LCOR: variants seen among roughly 807,000 people sequenced by gnomAD.
LCOR encodes the protein ligand dependent nuclear receptor corepressor, also known as ligand-dependent corepressor.
A neutral mutation model predicts 64.4 loss-of-function variants in LCOR; 14 were observed. The observed-to-expected ratio is 0.22, with a 90% CI of 0.14 to 0.34. The LOEUF is 0.34. Ranked by LOEUF, LCOR falls within the 10% of genes least tolerant of loss-of-function variation. LCOR has a pLI of 1.00. For missense variants in LCOR, 1,686 were observed against 1,765.3 expected, an observed-to-expected ratio of 0.96 and a Z score of 0.80; for synonymous variants, 643 against 642.5, an observed-to-expected ratio of 1.00 and a Z score of -0.01.
At position 96,975,198 on chromosome 10, in the gene LCOR, T is replaced by C. The variant is rs541748727; in HGVS notation, c.333-5595T>C. 1.4e-4 allele frequency among the ~76,000 whole-genome samples: 21 copies of C among 152,222 alleles called. No homozygotes were observed. The East Asian group carries it at 2.9e-3, about 21-fold the overall frequency. On this transcript the variant is annotated intron_variant, in intron 7 of 7. Transcript: ENST00000421806. ...AATAAAATAATAAAATAAATACTTATGTGCTATTAAGAAAAATTCCAGAAA... is the reference window on the plus strand; with the variant it reads ...AATAAAATAATAAAATAAATACTTACGTGCTATTAAGAAAAATTCCAGAAA...
rs571712967 is a variant in LCOR at position 96,875,964 on chromosome 10, C to T, written c.-329-31301C>T. 4.0e-5 allele frequency among the ~76,000 whole-genome samples: 6 copies of T among 150,996 alleles called. No individual in the cohort carries two copies. In the South Asian group the frequency reaches 6.3e-4, roughly 16 times the overall value. ...ATCCCAGATTCTACTGGTAAAAGAC[C>T]GACTTATAAATAGCTAATTATATCT... On this transcript the variant is annotated intron_variant, in intron 2 of 7. Coordinates refer to ENST00000421806, the MANE Select transcript of LCOR (RefSeq NM_001346516.2).
In LCOR at chr10:96,845,849, G is replaced by A. The variant is rs562571881; in HGVS notation, c.-330+12370G>A. Among the ~76,000 whole-genome samples, 4 of 152,062 alleles carry A rather than the reference G, an allele frequency of 2.6e-5. No homozygotes were observed. In the East Asian group the frequency reaches 5.8e-4, roughly 22 times the overall value. On this transcript the variant is annotated intron_variant, in intron 2 of 7. Transcript: ENST00000421806. ...TCCATAATCTTTGGTCATTGTTACT[G>A]AGAAAAACCTTTACACTGGTCATTT...
At chr10:96,925,448 T>TAA (rs1847152605) in intron 4 of LCOR, among the ~76,000 whole-genome samples, 2 of 152,190 alleles carry the variant, frequency 1.3e-5, no homozygotes, top group African/African-American at 2.4e-5. Flanking sequence ...TCTCTTAATT[T>TAA]AGGTTTTTCT....
chr10:96,832,939 C>A (rs1263650712), intron 1 of LCOR: 2 of 972,198 alleles, frequency 2.1e-6, no homozygotes, highest in Non-Finnish European at 2.4e-6. Context: ...CAGGCGGGCG[C>A]CCGGCGCTCG....
intron 7 of LCOR, among the ~76,000 whole-genome samples, chr10:96,966,521 C>A (rs1464218731): frequency 6.6e-6 from 1 of 152,128 alleles, no homozygotes; most frequent in African/African-American, 2.4e-5. Flanking sequence ...AGCCACCGCG[C>A]CCGGCCAGGA....
intron 2 of LCOR, among the ~76,000 whole-genome samples, chr10:96,850,780 C>G (rs1251062159): frequency 6.6e-6 from 1 of 152,204 alleles, no homozygotes; most frequent in African/African-American, 2.4e-5. Flanking sequence ...GTTGAACCAT[C>G]TGCTGATCAT....
At chr10:96,919,132 T>G (rs993645284) in intron 4 of LCOR, among the ~76,000 whole-genome samples, 1 of 152,214 alleles carries the variant, frequency 6.6e-6, no homozygotes, top group African/African-American at 2.4e-5. Context: ...AATTATATGA[T>G]TCTCTGAAAA....
intron 2 of LCOR, among the ~76,000 whole-genome samples, chr10:96,851,139 C>T (rs1845715955): frequency 6.6e-6 from 1 of 152,204 alleles, no homozygotes; most frequent in African/African-American, 2.4e-5. Flanking sequence ...TGATTGGTTT[C>T]ACAAGCATTC....
At position 96,984,936 on chromosome 10, in the gene LCOR, G is replaced by A. The variant is rs1444683722; in HGVS notation, c.4476G>A (p.Thr1492=). 8.7e-6 allele frequency: 14 copies of A among 1,613,982 alleles called. No homozygotes were observed. The highest frequency in any genetic ancestry group is 4.0e-5 in the African/African-American group (3 of 74,910). Residue 1492 remains threonine, a synonymous_variant, in exon 8 of 8, where the codon ACG becomes ACA. Coordinates refer to ENST00000421806, the MANE Select transcript of LCOR (RefSeq NM_001346516.2). ...PSQSIASETL[T]KPAKQKGAGE... ...AGTCTATTGCCTCGGAAACACTGACGAAACCTGCAAAACAGAAGGGGGCCG... is the reference window on the plus strand; with the variant it reads ...AGTCTATTGCCTCGGAAACACTGACAAAACCTGCAAAACAGAAGGGGGCCG...
chr10:96,832,447 C>G (rs1456623977), intron 1 of LCOR, 48 bp downstream of exon 1: 6 of 784,632 alleles, frequency 7.6e-6, no homozygotes, highest in Non-Finnish European at 9.3e-6. Flanking sequence ...GCCCCGCCGC[C>G]GGTCGCCCCA....
chr10:96,939,871 G>A (rs1847419173), intron 4 of LCOR, among the ~76,000 whole-genome samples: 1 of 152,222 alleles, frequency 6.6e-6, no homozygotes, highest in Non-Finnish European at 1.5e-5. Flanking sequence ...GCTGAGGCAA[G>A]AGAATCATTT....
intron 4 of LCOR, among the ~76,000 whole-genome samples, 156 bp from the exon 5 acceptor site, chr10:96,943,957 G>A (rs187086304): frequency 9.9e-5 from 15 of 152,218 alleles, no homozygotes; most frequent in African/African-American, 3.6e-4. Context: ...TATTTTGCTT[G>A]TATACTTTTT....
Position 96,983,507 on chromosome 10 carries a change from C to G in LCOR, c.3047C>G (p.Ser1016Trp). 2.5e-6 allele frequency: 4 copies of G among 1,613,970 alleles called. No individual in the cohort carries two copies. The highest frequency in any genetic ancestry group is 1.6e-4 in the Middle Eastern group (1 of 6,062). The part of the protein sequence containing the change: ...SDAPCSSLGL[S>W]SSGSGDAARA... ...GCCCCATGCAGCTCTCTTGGGTTGT[C>G]GAGTAGTGGAAGTGGTGATGCTGCT... The change falls in exon 8 of 8, where the codon TCG becomes TGG. Residue 1016 changes from serine to tryptophan, a missense_variant. Physicochemically the swap from Ser to Trp is radical, Grantham distance 177. This residue lies in a region of LCOR where 1,293 missense variants were observed against 1,410.4 expected (regional missense o/e 0.92). Coordinates refer to ENST00000421806, the MANE Select transcript of LCOR (RefSeq NM_001346516.2). This position sits in a 1 kb window ranked among gnomAD's most constrained non-coding sequence, Gnocchi z 4.5.
intron 7 of LCOR, 36 bp downstream of exon 7, chr10:96,952,232 T>C (rs769174454): frequency 1.4e-6 from 2 of 1,410,612 alleles, no homozygotes; most frequent in Non-Finnish European, 2.0e-6. Context: ...CACAGTTTCA[T>C]ATAGATAATT....
intron 2 of LCOR, among the ~76,000 whole-genome samples, chr10:96,878,598 A>G (rs1202498248): frequency 6.6e-6 from 1 of 152,188 alleles, no homozygotes; most frequent in African/African-American, 2.4e-5. Context: ...TAAAGAATTC[A>G]GTTTTGACTA....
At position 96,891,691 on chromosome 10, in the gene LCOR, C is replaced by T. The variant is rs532621965; in HGVS notation, c.-329-15574C>T. Among the ~76,000 whole-genome samples, 17 of 151,260 alleles carry T rather than the reference C, an allele frequency of 1.1e-4. No individual in the cohort carries two copies. In the South Asian group the frequency reaches 2.3e-3, roughly 20 times the overall value. ...CTGAGTAGCTGGGATTACAGGTGCA[C>T]GCCACCACGTCCAACTAATTTTTGT... On this transcript the variant is annotated intron_variant, in intron 2 of 7. Transcript: ENST00000421806.
intron 2 of LCOR, among the ~76,000 whole-genome samples, chr10:96,836,837 A>G (rs1270959392): frequency 6.6e-6 from 1 of 152,206 alleles, no homozygotes; most frequent in Admixed American, 6.5e-5. Context: ...AGGTTTGCAA[A>G]GGTAGGTTGT....
At position 96,984,038 on chromosome 10, in the gene LCOR, C is replaced by G; in HGVS notation, c.3578C>G (p.Thr1193Ser). 6.2e-7 allele frequency: 1 copy of G among 1,613,980 alleles called. No homozygotes were observed. Among genetic ancestry groups the G allele is most frequent in the Non-Finnish European group, 8.5e-7 (1 of 1,179,972 alleles). Residue 1193 changes from threonine to serine, a missense_variant, in exon 8 of 8, where the codon ACC becomes AGC. This residue lies in a region of LCOR where 1,293 missense variants were observed against 1,410.4 expected (regional missense o/e 0.92). Coordinates refer to ENST00000421806, the MANE Select transcript of LCOR (RefSeq NM_001346516.2). ...AAATGGTTCTTAGAGACAACTGAAA[C>G]CCGGTCTCTAGTCATTGTGAAGAAG... Reference protein sequence around the residue: ...VCKWFLETTETRSLVIVKKLN... With the variant: ...VCKWFLETTESRSLVIVKKLN...
intron 2 of LCOR, among the ~76,000 whole-genome samples, chr10:96,866,368 C>T (rs899343452): frequency 3.9e-5 from 6 of 152,100 alleles, no homozygotes; most frequent in Non-Finnish European, 8.8e-5. Flanking sequence ...ATAGTATTTC[C>T]TTGTACGGCT....
Sources: allele counts gnomAD v4.1 joint callset (sites outside exome capture counted in the v4.1 genomes callset), GRCh38; gene constraint gnomAD v4.1.1; regional missense constraint gnomAD v4.1.1; non-coding constraint Gnocchi (gnomAD v3.1); transcripts MANE v1.5; gene names NCBI Gene and HGNC (gene_info 2026-07-23, HGNC 2026-07-21).